The following CDH13 variants were observed in gnomAD, a reference collection of about 807,000 sequenced individuals.
CDH13 encodes the protein cadherin 13.
CDH13 carries 24 observed loss-of-function variants against 63.8 expected under a neutral mutation model. That is an observed-to-expected ratio of 0.38 (90% confidence interval 0.27 to 0.53). The LOEUF is 0.53. Among genes scored for constraint, CDH13 ranks in the 20% least tolerant of loss-of-function variants. The probability of loss-of-function intolerance (pLI) is 0.85; values close to 1 mark genes in which losing one functional copy is unlikely to be tolerated. For synonymous variants in CDH13, 503 were observed against 355.3 expected, an observed-to-expected ratio of 1.42 and a Z score of -4.67; for missense variants, 1,049 against 903.1, an observed-to-expected ratio of 1.16 and a Z score of -2.07.
At chr16:83,165,825 C>G (rs998072678) in intron 4 of CDH13, among the ~76,000 whole-genome samples, 5 of 152,072 alleles carry the variant, frequency 3.3e-5, no homozygotes, top group African/African-American at 1.2e-4. Context: ...CACCTTACCT[C>G]TCCTTTTCTT....
chr16:83,144,692 G>A (rs893311861), intron 4 of CDH13, among the ~76,000 whole-genome samples: 15 of 152,322 alleles, frequency 9.8e-5, no homozygotes, highest in African/African-American at 3.1e-4. Flanking sequence ...TCCCTGCTCA[G>A]GGCTAAATTT....
chr16:83,686,851 G>A (rs912288325), intron 10 of CDH13, among the ~76,000 whole-genome samples: 1 of 152,118 alleles, frequency 6.6e-6, no homozygotes, highest in Non-Finnish European at 1.5e-5. Flanking sequence ...TCAGTAACCA[G>A]GTGGAATAGA....
In CDH13 at chr16:82,896,856, C is replaced by G. The variant is rs965100748; in HGVS notation, c.157+38383C>G. ...AGTGTAGTGGTGCAGTCTCGGCTCA[C>G]TGCAAGCTCCGCCTCCCAGGTTCAC... is the stretch of plus-strand genomic sequence containing the variant. On this transcript the variant is annotated intron_variant, in intron 2 of 13. Coordinates refer to ENST00000567109, the MANE Select transcript of CDH13 (RefSeq NM_001257.5). Among the ~76,000 whole-genome samples the G allele has an allele frequency of 4.5e-4, 59 of 131,034 alleles. 1 individual carries two copies. The highest frequency in any genetic ancestry group is 7.7e-5 in the Non-Finnish European group (5 of 65,034). 86.0% of individuals were successfully genotyped at this position (131,034 alleles called of 152,430 possible).
rs187151948 is a variant in CDH13, at chr16:82,759,100, G to A, written c.46-99262G>A. 2.6e-4 allele frequency among the ~76,000 whole-genome samples: 39 copies of A among 152,228 alleles called. 1 individual carries two copies. Among genetic ancestry groups the A allele is most frequent in the African/African-American group, 8.9e-4 (37 of 41,550 alleles). On this transcript the variant is annotated intron_variant, in intron 1 of 13. Transcript: ENST00000567109. ...AAATGTGGGGAAGCTGGCTCCCTGG[G>A]GTCTCTCTTAACTGTTGAGAGTCAG...
intron 11 of CDH13, among the ~76,000 whole-genome samples, chr16:83,750,052 C>T (rs867792451): frequency 7.2e-5 from 11 of 152,240 alleles, no homozygotes; most frequent in Non-Finnish European, 1.0e-4. Context: ...AGTCCCAGAA[C>T]GTTGGGAGGC....
intron 1 of CDH13, among the ~76,000 whole-genome samples, chr16:82,684,010 C>G (rs1022556043): frequency 6.6e-6 from 1 of 152,202 alleles, no homozygotes; most frequent in African/African-American, 2.4e-5. Flanking sequence ...TGGGGAGTGC[C>G]TTTTCGCCTG....
intron 13 of CDH13, 104 bp downstream of exon 13, chr16:83,783,576 C>G (rs1915680644): frequency 1.1e-6 from 1 of 876,264 alleles, no homozygotes; most frequent in Non-Finnish European, 1.9e-6. Context: ...AGATGTTTCC[C>G]AGAAGAATCA....
chr16:83,752,833 A>T (rs1031543643), intron 11 of CDH13, among the ~76,000 whole-genome samples: 1 of 152,232 alleles, frequency 6.6e-6, no homozygotes, highest in South Asian at 2.1e-4. Flanking sequence ...GCCATATTAA[A>T]TGTTCACTAC....
intron 1 of CDH13, among the ~76,000 whole-genome samples, chr16:82,735,159 C>T (rs1298116998): frequency 6.6e-6 from 1 of 152,224 alleles, no homozygotes; most frequent in Non-Finnish European, 1.5e-5. Flanking sequence ...AGGGGAAAGG[C>T]TTCAAAGATT....
At chr16:83,401,825 T>A (rs569090332) in intron 6 of CDH13, among the ~76,000 whole-genome samples, 1 of 152,178 alleles carries the variant, frequency 6.6e-6, no homozygotes, top group Non-Finnish European at 1.5e-5. Context: ...GGTGAAAAAC[T>A]TCTTTAGAAT....
chr16:83,580,836 C>G (rs1014214532), intron 7 of CDH13, among the ~76,000 whole-genome samples: 9 of 152,006 alleles, frequency 5.9e-5, no homozygotes, highest in African/African-American at 1.7e-4. Flanking sequence ...TTTATTTGTT[C>G]TTATTAAAGT....
At chr16:83,259,010 A>G (rs16959945) in intron 5 of CDH13, among the ~76,000 whole-genome samples, 10,779 of 152,234 alleles carry the variant, frequency 0.071, 541 homozygotes, top group East Asian at 0.24. Flanking sequence ...TGTCATAAAT[A>G]TCACCCATCA....
intron 1 of CDH13, among the ~76,000 whole-genome samples, chr16:82,783,563 T>G (rs1393126988): frequency 6.6e-6 from 1 of 152,196 alleles, no homozygotes; most frequent in East Asian, 1.9e-4. Flanking sequence ...AACTTCTTAC[T>G]CCTTTGAAAA....
intron 7 of CDH13, among the ~76,000 whole-genome samples, chr16:83,543,193 G>A (rs4453477): frequency 0.71 from 107,670 of 152,060 alleles, 38,244 homozygotes; most frequent in African/African-American, 0.76. Flanking sequence ...AAAAGACTTC[G>A]ATATTTTCCT....
chr16:83,471,656 T>C (rs2073456724), intron 6 of CDH13, among the ~76,000 whole-genome samples: 3 of 152,100 alleles, frequency 2.0e-5, no homozygotes. Context: ...GTGTCCAGCC[T>C]CCCCAGTGAG....
intron 1 of CDH13, among the ~76,000 whole-genome samples, chr16:82,759,616 A>T (rs1353911011): frequency 6.6e-6 from 1 of 151,410 alleles, no homozygotes; most frequent in Non-Finnish European, 1.5e-5. Flanking sequence ...TATAACATAA[A>T]AATGACTTTG....
chr16:83,522,959 C>G (rs1467142909), intron 7 of CDH13, among the ~76,000 whole-genome samples: 1 of 152,220 alleles, frequency 6.6e-6, no homozygotes, highest in Non-Finnish European at 1.5e-5. Context: ...TTAGCAGGTG[C>G]TGTTCCCTCT....
At chr16:83,735,651 T>C (rs950974491) in intron 10 of CDH13, 2 of 152,214 alleles carry the variant, frequency 1.3e-5, no homozygotes, top group Admixed American at 6.5e-5. Flanking sequence ...GTAATTCTTA[T>C]ACTCTGAGTA....
intron 2 of CDH13, among the ~76,000 whole-genome samples, chr16:82,863,116 G>C (rs539413726): frequency 3.3e-5 from 5 of 152,130 alleles, no homozygotes; most frequent in Non-Finnish European, 7.3e-5. Flanking sequence ...TCTCTACAAA[G>C]ATCCTAACAA....
Sources: allele counts gnomAD v4.1 joint callset (sites outside exome capture counted in the v4.1 genomes callset), GRCh38; gene constraint gnomAD v4.1.1; transcripts MANE v1.5; gene names NCBI Gene and HGNC (gene_info 2026-07-23, HGNC 2026-07-21).